SLIT3: variants seen among roughly 807,000 people sequenced by gnomAD.
SLIT3 encodes the protein slit homolog 3 protein.
Under a neutral mutation model 184.0 loss-of-function variants are expected in SLIT3, and 68 were observed. The ratio of observed to expected loss-of-function variants is 0.37; its 90% confidence interval spans 0.30 to 0.45. The LOEUF is 0.45. SLIT3 is among the 20% of genes least tolerant of loss of function. The probability of loss-of-function intolerance (pLI) is 1.00; values close to 1 mark genes in which losing one functional copy is unlikely to be tolerated. For missense variants in SLIT3, 1,707 were observed against 2,026.0 expected, an observed-to-expected ratio of 0.84 and a Z score of 3.02; for synonymous variants, 831 against 828.6, an observed-to-expected ratio of 1.00 and a Z score of -0.05.
chr5:169,049,732 T>C (rs930026161), intron 4 of SLIT3, among the ~76,000 whole-genome samples: 1 of 152,116 alleles, frequency 6.6e-6, no homozygotes, highest in Non-Finnish European at 1.5e-5. Context: ...TAAACTGGCA[T>C]TTGGGGTTGA....
intron 4 of SLIT3, among the ~76,000 whole-genome samples, chr5:168,924,961 A>G (rs1761767419): frequency 6.6e-6 from 1 of 152,188 alleles, no homozygotes; most frequent in South Asian, 2.1e-4. Flanking sequence ...TGCCTCCTCC[A>G]CTAAGATGAA....
At chr5:168,757,374 T>C (rs1754984654) in intron 16 of SLIT3, among the ~76,000 whole-genome samples, 1 of 152,212 alleles carries the variant, frequency 6.6e-6, no homozygotes, top group South Asian at 2.1e-4. Context: ...AGTTCCACAT[T>C]TGTGCTACTC....
intron 29 of SLIT3, among the ~76,000 whole-genome samples, chr5:168,691,136 C>T (rs1304903024): frequency 6.6e-6 from 1 of 152,158 alleles, no homozygotes; most frequent in African/African-American, 2.4e-5. Context: ...AATCTTCTTC[C>T]CCTAGGTCCA....
At chr5:168,741,043 C>T (rs1763617157) in intron 20 of SLIT3, among the ~76,000 whole-genome samples, 1 of 152,172 alleles carries the variant, frequency 6.6e-6, no homozygotes, top group African/African-American at 2.4e-5. Flanking sequence ...CAGGGCATGA[C>T]CCCAGCTCAA....
At chr5:168,728,209 A>G (rs1248160773) in intron 20 of SLIT3, among the ~76,000 whole-genome samples, 1 of 151,934 alleles carries the variant, frequency 6.6e-6, no homozygotes, top group Non-Finnish European at 1.5e-5. Flanking sequence ...TGCCCTGCCG[A>G]GGAATTCATA....
At position 168,749,650 on chromosome 5, in the gene SLIT3, G is replaced by T; in HGVS notation, c.1974-15C>A. ...ACAGGAGGTTTCTAGGAAGAGAGAA[G>T]GGTGCTTAGCCTCCATCCTTCTACT... On this transcript the variant is annotated splice_polypyrimidine_tract_variant and intron_variant, in intron 18 of 35. Coordinates refer to ENST00000519560, the MANE Select transcript of SLIT3 (RefSeq NM_003062.4). The T allele has an allele frequency of 6.2e-7, 1 of 1,613,996 alleles. No individual in the cohort carries two copies. The highest frequency in any genetic ancestry group is 1.3e-5 in the African/African-American group (1 of 75,048).
At chr5:169,230,326 T>C (rs540524983) in intron 3 of SLIT3, among the ~76,000 whole-genome samples, 5 of 152,166 alleles carry the variant, frequency 3.3e-5, no homozygotes, top group Non-Finnish European at 7.3e-5. Flanking sequence ...AACTCTAAAG[T>C]TCATGCTCTG....
At chr5:169,044,055 A>G (rs1167431911) in intron 4 of SLIT3, among the ~76,000 whole-genome samples, 1 of 152,222 alleles carries the variant, frequency 6.6e-6, no homozygotes, top group Non-Finnish European at 1.5e-5. Context: ...GATAAAGGCT[A>G]AAGTGGCCAA....
At chr5:168,816,713 C>A (rs1757344703) in intron 8 of SLIT3, among the ~76,000 whole-genome samples, 1 of 152,194 alleles carries the variant, frequency 6.6e-6, no homozygotes, top group Non-Finnish European at 1.5e-5. Flanking sequence ...AATTAAGCTC[C>A]ACTGATTTAG....
rs370546443 is a variant in SLIT3 at position 168,731,053 on chromosome 5, AAAG to A, written c.2271-6572_2271-6570del. ...AAATCACTAGCTAAACTAACCAAGA[AAAG>A]AAGAGGGAAGATCCAAATAAATACA... On this transcript the variant is annotated intron_variant, in intron 20 of 35. Transcript: ENST00000519560. Among the ~76,000 whole-genome samples the A allele has an allele frequency of 2.7e-3, 404 of 152,206 alleles. 3 individuals carry two copies. The highest frequency in any genetic ancestry group is 9.2e-3 in the African/African-American group (382 of 41,580).
chr5:169,090,944 C>T (rs1387084296), intron 4 of SLIT3, among the ~76,000 whole-genome samples: 3 of 152,212 alleles, frequency 2.0e-5, no homozygotes, highest in African/African-American at 7.2e-5. Context: ...GCTCCTCCAT[C>T]GTATTCCCAA....
intron 1 of SLIT3, among the ~76,000 whole-genome samples, chr5:169,283,414 T>G (rs1464913011): frequency 6.6e-6 from 1 of 152,216 alleles, no homozygotes; most frequent in Non-Finnish European, 1.5e-5. Flanking sequence ...TCCTTGTTCC[T>G]CTGGTCAAGA....
At chr5:169,084,976 C>G (rs1234536314) in intron 4 of SLIT3, among the ~76,000 whole-genome samples, 3 of 152,194 alleles carry the variant, frequency 2.0e-5, no homozygotes, top group African/African-American at 4.8e-5. Flanking sequence ...GCAGGAGTGT[C>G]TAATCCCTGC....
intron 25 of SLIT3, chr5:168,709,970 G>T (rs1200749152): frequency 6.6e-6 from 1 of 152,158 alleles, no homozygotes; most frequent in Non-Finnish European, 1.5e-5. Context: ...TTGGCAAAAT[G>T]TGTGAAGACC....
intron 9 of SLIT3, among the ~76,000 whole-genome samples, chr5:168,804,437 G>C (rs1266499912): frequency 1.3e-5 from 2 of 151,010 alleles, no homozygotes; most frequent in Non-Finnish European, 3.0e-5. Context: ...TAGATAGTAT[G>C]TTGGAAGGCC....
rs777403516 is a variant in SLIT3, at chr5:168,722,343, C to G, written c.2412-16G>C. Reference sequence around the variant, plus strand: ...GCTCAGGATCCTGTGGAAAAGGAGGCATGTGCCCTGTTGTGTCTTTCTATT... The same window carrying G: ...GCTCAGGATCCTGTGGAAAAGGAGGGATGTGCCCTGTTGTGTCTTTCTATT... On this transcript the variant is annotated splice_polypyrimidine_tract_variant and intron_variant, in intron 22 of 35. Coordinates refer to ENST00000519560, the MANE Select transcript of SLIT3 (RefSeq NM_003062.4). 2.5e-6 allele frequency: 4 copies of G among 1,613,122 alleles called. No individual in the cohort carries two copies. The highest frequency in any genetic ancestry group is 3.4e-6 in the Non-Finnish European group (4 of 1,179,212).
At chr5:169,209,398 C>T (rs918659442) in intron 3 of SLIT3, among the ~76,000 whole-genome samples, 1 of 152,194 alleles carries the variant, frequency 6.6e-6, no homozygotes, top group Non-Finnish European at 1.5e-5. Flanking sequence ...TGTGGCGATT[C>T]CTCAAGGATC....
intron 1 of SLIT3, chr5:169,263,819 C>T (rs1468189907): frequency 1.7e-5 from 6 of 362,516 alleles, no homozygotes; most frequent in East Asian, 1.1e-4. Context: ...CATCACGTTG[C>T]CTTGCTGCTG....
chr5:168,740,947 T>C (rs1763611671), intron 20 of SLIT3, among the ~76,000 whole-genome samples: 1 of 152,212 alleles, frequency 6.6e-6, no homozygotes, highest in Non-Finnish European at 1.5e-5. Context: ...GGTCATTCTC[T>C]GCAGCCCCGT....
Sources: allele counts gnomAD v4.1 joint callset (sites outside exome capture counted in the v4.1 genomes callset), GRCh38; gene constraint gnomAD v4.1.1; transcripts MANE v1.5; gene names NCBI Gene and HGNC (gene_info 2026-07-23, HGNC 2026-07-21).